ARHGAP26: variants seen among roughly 807,000 people sequenced by gnomAD.
The protein encoded by ARHGAP26 is rho GTPase-activating protein 26.
Under a neutral mutation model 104.8 loss-of-function variants are expected in ARHGAP26, and 38 were observed. That is an observed-to-expected ratio of 0.36 (90% CI 0.28 to 0.48). The LOEUF (loss-of-function observed/expected upper bound fraction) is 0.48, where lower values mean the gene tolerates loss of function less well. Among genes scored for constraint, ARHGAP26 ranks in the 20% least tolerant of loss-of-function variants. The pLI is 0.99. For synonymous variants in ARHGAP26, 341 were observed against 340.0 expected, an observed-to-expected ratio of 1.00 and a Z score of -0.03; for missense variants, 704 against 947.9, an observed-to-expected ratio of 0.74 and a Z score of 3.38.
intron 1 of ARHGAP26, among the ~76,000 whole-genome samples, chr5:142,845,945 C>T (rs905337384): frequency 1.3e-5 from 2 of 152,176 alleles, no homozygotes; most frequent in African/African-American, 4.8e-5. Flanking sequence ...TGTTTCCTCA[C>T]CCACACTTCA....
chr5:143,123,725 G>T (rs1449520015), intron 18 of ARHGAP26, among the ~76,000 whole-genome samples: 4 of 152,084 alleles, frequency 2.6e-5, no homozygotes, highest in African/African-American at 9.7e-5. Context: ...GGATATGGTG[G>T]CACATGCCTA....
At chr5:143,218,355 G>T (rs7720812) in intron 22 of ARHGAP26, among the ~76,000 whole-genome samples, 4,185 of 152,232 alleles carry the variant, frequency 0.027, 174 homozygotes, top group African/African-American at 0.093. Flanking sequence ...AGCAAAATCT[G>T]GTCTGCTTGT....
intron 17 of ARHGAP26, among the ~76,000 whole-genome samples, chr5:143,083,152 A>G (rs963401678): frequency 6.6e-6 from 1 of 152,262 alleles, no homozygotes; most frequent in Non-Finnish European, 1.5e-5. Flanking sequence ...TTTTCCCATT[A>G]GTCACAGGTG....
chr5:143,029,392 GT>G (rs536919888), intron 12 of ARHGAP26, among the ~76,000 whole-genome samples: 11,962 of 80,840 alleles, frequency 0.15, 1,717 homozygotes, highest in South Asian at 0.26. Flanking sequence ...TTACTTCTCA[GT>G]TTTTTTTTTT....
At chr5:142,805,833 C>T (rs559686172) in intron 1 of ARHGAP26, among the ~76,000 whole-genome samples, 10 of 152,262 alleles carry the variant, frequency 6.6e-5, no homozygotes, top group Non-Finnish European at 1.2e-4. Context: ...GTAAAAGGCT[C>T]CTCTTTCTGT....
chr5:142,875,067 C>T, intron 2 of ARHGAP26, 43 bp from the exon 3 acceptor site: 8 of 1,565,772 alleles, frequency 5.1e-6, no homozygotes, highest in Non-Finnish European at 7.0e-6. Flanking sequence ...TCCCCAAGGC[C>T]CATGACACTC....
rs58666775 is a variant in ARHGAP26 at position 143,092,264 on chromosome 5, C to T, written c.1539-28724C>T. On this transcript the variant is annotated intron_variant, in intron 17 of 22. Transcript: ENST00000645722. ...CTGCAAGCTCCGCCTCCCAGGTTCA[C>T]GCCATTCTCCTGCCTCGGCCTCCTG... Among the ~76,000 whole-genome samples the T allele has an allele frequency of 3.3e-3, 495 of 150,210 alleles. 1 individual carries two copies. Among genetic ancestry groups the T allele is most frequent in the African/African-American group, 0.011 (468 of 41,096 alleles).
intron 20 of ARHGAP26, chr5:143,168,726 A>G (rs903304277): frequency 2.0e-5 from 3 of 152,060 alleles, no homozygotes; most frequent in Admixed American, 6.6e-5. Flanking sequence ...TCTCTAGGAG[A>G]TTAGCTCTAG....
intron 21 of ARHGAP26, among the ~76,000 whole-genome samples, chr5:143,211,775 G>A (rs964169075): frequency 5.9e-5 from 9 of 151,870 alleles, no homozygotes; most frequent in African/African-American, 2.2e-4. Context: ...TCTACAGTCT[G>A]GTCTTAAATT....
intron 20 of ARHGAP26, among the ~76,000 whole-genome samples, chr5:143,150,331 C>G (rs1799683502): frequency 6.6e-6 from 1 of 152,218 alleles, no homozygotes; most frequent in African/African-American, 2.4e-5. Context: ...AGTTCACAGT[C>G]TAGCTAAGAA....
chr5:143,058,942 T>C (rs1786270295), intron 17 of ARHGAP26, among the ~76,000 whole-genome samples: 1 of 152,172 alleles, frequency 6.6e-6, no homozygotes, highest in African/African-American at 2.4e-5. Flanking sequence ...TTAGGAAGAA[T>C]AGCAGATAAC....
intron 17 of ARHGAP26, among the ~76,000 whole-genome samples, chr5:143,058,495 TTG>T (rs377676515): frequency 6.6e-6 from 1 of 152,254 alleles, no homozygotes; most frequent in Non-Finnish European, 1.5e-5. Context: ...TCATCACTAC[TTG>T]TGTGTGTGTT....
intron 17 of ARHGAP26, among the ~76,000 whole-genome samples, chr5:143,075,633 G>A (rs1315735988): frequency 6.6e-6 from 1 of 152,114 alleles, no homozygotes; most frequent in Non-Finnish European, 1.5e-5. Flanking sequence ...ACTAAAGTTT[G>A]GGAACTACTG....
intron 12 of ARHGAP26, among the ~76,000 whole-genome samples, chr5:143,024,753 G>A (rs577495690): frequency 2.0e-4 from 31 of 152,160 alleles, no homozygotes; most frequent in Admixed American, 3.9e-4. Context: ...CATTCTGAGG[G>A]CAAACTTGGT....
chr5:142,970,033 T>C (rs753691261), intron 11 of ARHGAP26, among the ~76,000 whole-genome samples: 8 of 152,214 alleles, frequency 5.3e-5, no homozygotes, highest in Non-Finnish European at 1.2e-4. Context: ...TTTCTGCCAG[T>C]GTGTATAAAC....
At chr5:143,036,342 A>G (rs1355441844) in intron 12 of ARHGAP26, among the ~76,000 whole-genome samples, 7 of 152,152 alleles carry the variant, frequency 4.6e-5, no homozygotes, top group Non-Finnish European at 7.3e-5. Flanking sequence ...CCTTGTTGTC[A>G]GGTTAGAAGT....
chr5:142,874,828 C>G, intron 2 of ARHGAP26: 1 of 309,426 alleles, frequency 3.2e-6, no homozygotes, highest in Non-Finnish European at 5.9e-6. Flanking sequence ...GGCCTGGAAG[C>G]CTGCCAGCAT....
intron 1 of ARHGAP26, among the ~76,000 whole-genome samples, chr5:142,853,072 G>A (rs1751805494): frequency 6.6e-6 from 1 of 152,238 alleles, no homozygotes; most frequent in Admixed American, 6.5e-5. Flanking sequence ...TCAGCAGAGA[G>A]CAGTGTCAGC....
chr5:143,045,069 G>T (rs1040669623), intron 14 of ARHGAP26, among the ~76,000 whole-genome samples: 1 of 152,226 alleles, frequency 6.6e-6, no homozygotes, highest in Non-Finnish European at 1.5e-5. Context: ...CTTTAGCTCA[G>T]TTGTGTTAAG....
Sources: gnomAD v4.1 joint callset for allele counts (sites outside exome capture counted in the v4.1 genomes callset) on GRCh38, gnomAD v4.1.1 for gene constraint, MANE v1.5 for transcripts, NCBI Gene and HGNC (gene_info 2026-07-23, HGNC 2026-07-21) for gene names.